The following PCDHGA10 variants were observed in gnomAD, a reference collection of about 807,000 sequenced individuals.
PCDHGA10 encodes the protein protocadherin gamma subfamily A, 10, also known as protocadherin gamma-A10.
PCDHGA10 carries 42 observed loss-of-function variants against 59.5 expected under a neutral mutation model. That is an observed-to-expected ratio of 0.71 (90% CI 0.55 to 0.91). The LOEUF is 0.91. Among genes scored for constraint, PCDHGA10 ranks in the 40% least tolerant of loss-of-function variants. PCDHGA10 has a pLI of 0.00. For synonymous variants in PCDHGA10, 511 were observed against 517.2 expected, an observed-to-expected ratio of 0.99 and a Z score of 0.16; for missense variants, 1,111 against 1,198.2, an observed-to-expected ratio of 0.93 and a Z score of 1.07.
intron 1 of PCDHGA10, chr5:141,423,074 G>T (rs2096705802): frequency 6.2e-7 from 1 of 1,614,006 alleles, no homozygotes; most frequent in African/African-American, 1.3e-5. Flanking sequence ...AGCGAGCCGG[G>T]ACTCTTCGCG....
chr5:141,441,517 G>A (rs1316654534), intron 1 of PCDHGA10: 1 of 172,138 alleles, frequency 5.8e-6, no homozygotes, highest in South Asian at 1.3e-4. Flanking sequence ...CGTCGTCCAC[G>A]TGGCCAAGAA....
At chr5:141,503,902 C>T (rs552180745) in intron 2 of PCDHGA10, among the ~76,000 whole-genome samples, 7 of 152,328 alleles carry the variant, frequency 4.6e-5, no homozygotes, top group African/African-American at 1.7e-4. Context: ...AATATGCACA[C>T]ACACAACGCA....
intron 1 of PCDHGA10, chr5:141,478,841 A>G (rs1335486924): frequency 1.4e-5 from 19 of 1,405,590 alleles, no homozygotes; most frequent in Non-Finnish European, 1.8e-5. Flanking sequence ...GGGATGGTTA[A>G]GCTAAAACAC....
chr5:141,476,551 C>A lies in PCDHGA10; in HGVS notation c.2437-18256C>A, dbSNP rs367700651. 6.2e-7 allele frequency: 1 copy of A among 1,614,196 alleles called. No individual in the cohort carries two copies. The highest frequency in any genetic ancestry group is 1.7e-5 in the Admixed American group (1 of 60,028). ...CCCAGGAAATGAAATTGGAGATTAG[C>A]GAGGCCGTGGCTCCGGGGACGCGCT... On this transcript the variant is annotated intron_variant, in intron 1 of 3. Transcript: ENST00000398610. This position sits in a 1 kb window ranked among gnomAD's most constrained non-coding sequence, Gnocchi z 7.6.
intron 1 of PCDHGA10, chr5:141,440,160 G>A (rs568136682): frequency 6.6e-6 from 1 of 152,324 alleles, no homozygotes; most frequent in East Asian, 1.9e-4. Flanking sequence ...ATTATAGCTT[G>A]GGCCATAACG....
chr5:141,489,696 C>T lies in PCDHGA10; in HGVS notation c.2437-5111C>T. On this transcript the variant is annotated intron_variant, in intron 1 of 3. Transcript: ENST00000398610. This position sits in a 1 kb window ranked among gnomAD's most constrained non-coding sequence, Gnocchi z 4.5. ...AATCAGCAGCATCTGGGGCACGATT[C>T]CCACTGGACAGTGCCCAGGATCCGG... 6.2e-7 allele frequency: 1 copy of T among 1,614,170 alleles called. No homozygotes were observed. Among genetic ancestry groups the T allele is most frequent in the Non-Finnish European group, 8.5e-7 (1 of 1,180,002 alleles).
chr5:141,420,458 C>A, intron 1 of PCDHGA10: 3 of 925,194 alleles, frequency 3.2e-6, no homozygotes, highest in Non-Finnish European at 2.9e-6. Context: ...TCCTACTATT[C>A]AAAGACATTT....
At chr5:141,455,860 ATTATTTAT>A (rs145569377) in intron 1 of PCDHGA10, among the ~76,000 whole-genome samples, 26,605 of 139,696 alleles carry the variant, frequency 0.19, 2,610 homozygotes, top group Middle Eastern at 0.23. Context: ...AATTTCTTTT[ATTATTTAT>A]TTATTTATTT....
At chr5:141,423,210 C>T in intron 1 of PCDHGA10, 2 of 1,613,696 alleles carry the variant, frequency 1.2e-6, no homozygotes, top group Non-Finnish European at 1.7e-6. Flanking sequence ...CCGTCACGCT[C>T]ACCGTGGCTG....
At chr5:141,440,165 A>G (rs935524872) in intron 1 of PCDHGA10, 2 of 152,300 alleles carry the variant, frequency 1.3e-5, no homozygotes, top group African/African-American at 4.8e-5. Flanking sequence ...AGCTTGGGCC[A>G]TAACGCTTTG....
At position 141,415,073 on chromosome 5, in the gene PCDHGA10, C is replaced by G; in HGVS notation, c.1898C>G (p.Ala633Gly). The G allele has an allele frequency of 1.9e-6, 3 of 1,613,434 alleles. No homozygotes were observed. Among genetic ancestry groups the G allele is most frequent in the Non-Finnish European group, 2.5e-6 (3 of 1,179,944 alleles). Reference protein sequence around the residue: ...VGEHTGEVRTARALLDRDALK... With the variant: ...VGEHTGEVRTGRALLDRDALK... Reference sequence around the variant, plus strand: ...GAGCACACGGGCGAGGTGCGCACGGCGCGAGCCCTGCTGGACAGAGACGCG... The same window carrying G: ...GAGCACACGGGCGAGGTGCGCACGGGGCGAGCCCTGCTGGACAGAGACGCG... Residue 633 changes from alanine (A) to glycine (G), a missense_variant, in exon 1 of 4, where the codon GCG becomes GGG. Ala to Gly is a moderately conservative substitution (Grantham distance 60). Transcript: ENST00000398610.
intron 3 of PCDHGA10, among the ~76,000 whole-genome samples, chr5:141,510,329 A>T (rs1433056614): frequency 2.7e-5 from 4 of 150,230 alleles, no homozygotes; most frequent in Admixed American, 2.7e-4. Flanking sequence ...AGCACTCTTC[A>T]CCCCCACCCC....
intron 1 of PCDHGA10, among the ~76,000 whole-genome samples, chr5:141,475,215 T>C (rs768665396): frequency 2.6e-5 from 4 of 152,176 alleles, no homozygotes; most frequent in Non-Finnish European, 5.9e-5. Flanking sequence ...AAAGGATTGA[T>C]CAAGTAAAGG....
chr5:141,415,845 A>G, intron 1 of PCDHGA10: 1 of 1,246,436 alleles, frequency 8.0e-7, no homozygotes, highest in Non-Finnish European at 1.0e-6. Flanking sequence ...TTAGCTTTGC[A>G]GAACCTTGTA....
intron 1 of PCDHGA10, chr5:141,415,994 C>G: frequency 6.6e-6 from 2 of 303,006 alleles, no homozygotes; most frequent in East Asian, 6.9e-5. Context: ...GTTCTGAAGG[C>G]AGGTCTGGTA....
chr5:141,427,937 C>T, intron 1 of PCDHGA10: 1 of 1,584,566 alleles, frequency 6.3e-7, no homozygotes, highest in African/African-American at 1.3e-5. Flanking sequence ...TGTTGGTGGG[C>T]GACCTCAATG....
chr5:141,431,660 A>G lies in PCDHGA10; in HGVS notation c.2436+16049A>G. On this transcript the variant is annotated intron_variant, in intron 1 of 3. Transcript: ENST00000398610. This position sits in a 1 kb window ranked among gnomAD's most constrained non-coding sequence, Gnocchi z 4.8. ...CAAACTAGATTGTAATTCAGGGACA[A>G]TATCAACAATAGGGGAGTTGGACCA... 7 of 1,614,256 alleles carry G rather than the reference A, an allele frequency of 4.3e-6. No individual in the cohort carries two copies. The highest frequency in any genetic ancestry group is 5.1e-6 in the Non-Finnish European group (6 of 1,180,046).
intron 1 of PCDHGA10, among the ~76,000 whole-genome samples, chr5:141,465,502 G>T (rs948827391): frequency 6.6e-6 from 1 of 152,152 alleles, no homozygotes; most frequent in Non-Finnish European, 1.5e-5. Flanking sequence ...GAGCATTGTC[G>T]TGGTCAGGAA....
At position 141,490,176 on chromosome 5, in the gene PCDHGA10, G is replaced by T. The variant is rs758876319; in HGVS notation, c.2437-4631G>T. On this transcript the variant is annotated intron_variant, in intron 1 of 3. Transcript: ENST00000398610. This position sits in a 1 kb window ranked among gnomAD's most constrained non-coding sequence, Gnocchi z 5.4. ...TGTTGGGTCCCATAGACTTTGAGGAGTCACGTTTCTATGAAATTCATGCAA... is the reference window on the plus strand; with the variant it reads ...TGTTGGGTCCCATAGACTTTGAGGATTCACGTTTCTATGAAATTCATGCAA... 12 of 1,614,100 alleles carry T rather than the reference G, an allele frequency of 7.4e-6. No homozygotes were observed. Among genetic ancestry groups the T allele is most frequent in the Non-Finnish European group, 1.0e-5 (12 of 1,180,046 alleles).
Sources: gnomAD v4.1 joint callset for allele counts (sites outside exome capture counted in the v4.1 genomes callset) on GRCh38, gnomAD v4.1.1 for gene constraint, Gnocchi (gnomAD v3.1) non-coding constraint, MANE v1.5 for transcripts, NCBI Gene and HGNC (gene_info 2026-07-23, HGNC 2026-07-21) for gene names.